The following CAMK2B variants were observed in gnomAD, a reference collection of about 807,000 sequenced individuals.
The protein encoded by CAMK2B is calcium/calmodulin dependent protein kinase II beta, also known as calcium/calmodulin-dependent protein kinase type II subunit beta.
In CAMK2B, 27 loss-of-function variants were observed where a neutral mutation model predicts 93.7. That is an observed-to-expected ratio of 0.29 (90% confidence interval 0.21 to 0.40). The LOEUF (loss-of-function observed/expected upper bound fraction) is 0.40, where lower values mean the gene tolerates loss of function less well. Among genes scored for constraint, CAMK2B ranks in the 10% least tolerant of loss-of-function variants. CAMK2B has a pLI of 1.00. For missense variants in CAMK2B, 568 were observed against 895.8 expected (o/e 0.63, Z 4.67); for synonymous variants, 374 against 358.8 (o/e 1.04, Z -0.48).
intron 1 of CAMK2B, among the ~76,000 whole-genome samples, chr7:44,318,527 AT>A (rs1795335204): frequency 6.6e-6 from 1 of 152,212 alleles, no homozygotes; most frequent in Non-Finnish European, 1.5e-5. Flanking sequence ...GGGTGACAGA[AT>A]CAAGGCTCCT....
chr7:44,221,008 C>T (rs1231760507), intron 20 of CAMK2B, 107 bp from the exon 21 acceptor site: 6 of 869,322 alleles, frequency 6.9e-6, no homozygotes, highest in South Asian at 3.1e-5. Context: ...GCATCCATGC[C>T]GTGTTCCTGC....
In CAMK2B at chr7:44,286,329, G is replaced by A. The variant is rs915318049; in HGVS notation, c.66-2104C>T. 6.6e-6 allele frequency among the ~76,000 whole-genome samples: 1 copy of A among 152,182 alleles called. No homozygotes were observed. The highest frequency in any genetic ancestry group is 6.5e-5 in the Admixed American group (1 of 15,278). ...AGTGTTCTGGACCAGGCCCTGAAGG[G>A]AGCAGGGAGTCTGGGCCTCCGTGCG... is the stretch of plus-strand genomic sequence containing the variant. On this transcript the variant is annotated intron_variant, in intron 1 of 23. Transcript: ENST00000395749. This position sits in a 1 kb window ranked among gnomAD's most constrained non-coding sequence, Gnocchi z 4.0.
intron 5 of CAMK2B, among the ~76,000 whole-genome samples, chr7:44,247,577 C>A (rs992465636): frequency 6.6e-6 from 1 of 151,406 alleles, no homozygotes; most frequent in Admixed American, 6.6e-5. Context: ...GCAGGCCGGG[C>A]GAGCGGGCTA....
intron 1 of CAMK2B, among the ~76,000 whole-genome samples, chr7:44,316,380 T>C (rs1162980976): frequency 6.6e-6 from 1 of 152,222 alleles, no homozygotes; most frequent in Non-Finnish European, 1.5e-5. Flanking sequence ...ATCCTACTTG[T>C]TCATAATGTA....
intron 1 of CAMK2B, among the ~76,000 whole-genome samples, chr7:44,296,683 A>G (rs543746104): frequency 2.0e-5 from 3 of 152,310 alleles, no homozygotes; most frequent in East Asian, 1.9e-4. Flanking sequence ...GAAATAACCC[A>G]GAAGCAAAAA....
chr7:44,299,922 A>T (rs973249602), intron 1 of CAMK2B, among the ~76,000 whole-genome samples: 2 of 152,178 alleles, frequency 1.3e-5, no homozygotes, highest in African/African-American at 2.4e-5. Flanking sequence ...ACCATAATTT[A>T]AAAAAGTAAA....
At chr7:44,300,595 A>G (rs183863327) in intron 1 of CAMK2B, among the ~76,000 whole-genome samples, 1 of 152,376 alleles carries the variant, frequency 6.6e-6, no homozygotes, top group Non-Finnish European at 1.5e-5. Context: ...AGTCCTAAAC[A>G]TGTACATACC....
chr7:44,225,738 CCCCACCT>C lies in CAMK2B; in HGVS notation c.1597+771_1597+777del. On this transcript the variant is annotated intron_variant, in intron 20 of 23. Transcript: ENST00000395749. This position sits in a 1 kb window ranked among gnomAD's most constrained non-coding sequence, Gnocchi z 5.0. ...TGCAGAGGGGACGGTGGCAAGCAGA[CCCCACCT>C]GTCCCTCAAGTACTTACCTAGCCAC... 7.8e-7 allele frequency: 1 copy of C among 1,289,338 alleles called. No homozygotes were observed. Among genetic ancestry groups the C allele is most frequent in the Admixed American group, 2.3e-5 (1 of 43,564 alleles). 79.9% of individuals were successfully genotyped at this position (1,289,338 alleles called of 1,614,324 possible). A position where few individuals can be genotyped will look rare whatever the true frequency, so the allele number is the denominator to read the frequency against.
intron 20 of CAMK2B, among the ~76,000 whole-genome samples, chr7:44,222,156 T>C (rs1017289226): frequency 2.0e-5 from 3 of 152,144 alleles, no homozygotes; most frequent in African/African-American, 7.2e-5. Context: ...AAGTAATTCG[T>C]CCGTGGAAAA....
At chr7:44,264,485 C>G (rs946889782) in intron 2 of CAMK2B, among the ~76,000 whole-genome samples, 1 of 152,212 alleles carries the variant, frequency 6.6e-6, no homozygotes, top group African/African-American at 2.4e-5. Flanking sequence ...AGGCATTCGT[C>G]TCCCTGCCCT....
intron 22 of CAMK2B, 31 bp from the exon 23 acceptor site, chr7:44,220,325 G>A: frequency 1.9e-6 from 3 of 1,556,864 alleles, no homozygotes; most frequent in Non-Finnish European, 2.6e-6. Context: ...GGGGGTCTCG[G>A]GTTACCATGA....
At chr7:44,239,356 G>A (rs2096654573) in intron 13 of CAMK2B, among the ~76,000 whole-genome samples, 1 of 152,208 alleles carries the variant, frequency 6.6e-6, no homozygotes, top group Non-Finnish European at 1.5e-5. Flanking sequence ...GTGTAGCCCA[G>A]GGGCCACCTA....
chr7:44,250,910 C>T (rs546138479), intron 5 of CAMK2B, among the ~76,000 whole-genome samples: 2 of 152,364 alleles, frequency 1.3e-5, no homozygotes, highest in East Asian at 3.9e-4. Context: ...AAGACATGGA[C>T]ACCCTTCAGT....
At chr7:44,305,866 A>T (rs932109243) in intron 1 of CAMK2B, among the ~76,000 whole-genome samples, 1 of 152,202 alleles carries the variant, frequency 6.6e-6, no homozygotes, top group African/African-American at 2.4e-5. Context: ...CTTGCGAGCC[A>T]GCTGATGTCA....
chr7:44,222,690 C>T (rs942476605), intron 20 of CAMK2B, among the ~76,000 whole-genome samples: 1 of 152,180 alleles, frequency 6.6e-6, no homozygotes, highest in Non-Finnish European at 1.5e-5. Flanking sequence ...GTGATCTGCC[C>T]ACCTCGGCCT....
intron 1 of CAMK2B, among the ~76,000 whole-genome samples, chr7:44,297,282 C>A (rs915379819): frequency 4.0e-5 from 6 of 150,638 alleles, no homozygotes; most frequent in African/African-American, 1.5e-4. Flanking sequence ...AGGACAACCA[C>A]AGAAGAGAAA....
chr7:44,223,178 C>T (rs974632634), intron 20 of CAMK2B, among the ~76,000 whole-genome samples: 5 of 152,210 alleles, frequency 3.3e-5, no homozygotes, highest in Admixed American at 1.3e-4. Flanking sequence ...TGAGCGTGCA[C>T]GTGTCGTGTG....
At chr7:44,291,212 C>T (rs1317453328) in intron 1 of CAMK2B, among the ~76,000 whole-genome samples, 2 of 152,146 alleles carry the variant, frequency 1.3e-5, no homozygotes, top group Non-Finnish European at 1.5e-5. Context: ...TGGGGTTCCG[C>T]CAAGTGGGGA....
chr7:44,289,586 C>T (rs931347872), intron 1 of CAMK2B, among the ~76,000 whole-genome samples: 2 of 152,210 alleles, frequency 1.3e-5, no homozygotes, highest in Non-Finnish European at 2.9e-5. Context: ...GTGCCCTCCC[C>T]AGCCACCTCA....
Sources: allele counts gnomAD v4.1 joint callset (sites outside exome capture counted in the v4.1 genomes callset), GRCh38; gene constraint gnomAD v4.1.1; non-coding constraint Gnocchi (gnomAD v3.1); transcripts MANE v1.5; gene names NCBI Gene and HGNC (gene_info 2026-07-23, HGNC 2026-07-21).